Variants in DNAH7 observed in about 807,000 individuals in gnomAD.
DNAH7 encodes dynein axonemal heavy chain 7.
Under a neutral mutation model 444.6 loss-of-function variants are expected in DNAH7, and 397 were observed. The ratio of observed to expected loss-of-function variants is 0.89; its 90% CI spans 0.82 to 0.97. The LOEUF (loss-of-function observed/expected upper bound fraction) is 0.97, where lower values mean the gene tolerates loss of function less well. Among genes scored for constraint, DNAH7 ranks in the 50% least tolerant of loss-of-function variants. The pLI, the probability that DNAH7 is intolerant of heterozygous loss-of-function variation, is 0.00. For synonymous variants in DNAH7, 1,636 were observed against 1,624.4 expected (o/e 1.01, Z -0.17); for missense variants, 4,902 against 4,800.8 (o/e 1.02, Z -0.62).
chr2:195,978,624 T>C (rs1028096019), intron 15 of DNAH7, among the ~76,000 whole-genome samples: 5 of 152,074 alleles, frequency 3.3e-5, no homozygotes, highest in Middle Eastern at 3.2e-3. Flanking sequence ...TCAAAAAACA[T>C]AGCCTTGCTG....
chr2:195,949,655 G>A (rs901914615), intron 19 of DNAH7, among the ~76,000 whole-genome samples: 2 of 152,188 alleles, frequency 1.3e-5, no homozygotes, highest in African/African-American at 4.8e-5. Context: ...TAGGAGTGGT[G>A]AGAGAGGGCA....
At chr2:195,879,879 T>C (rs1701277727) in intron 36 of DNAH7, among the ~76,000 whole-genome samples, 2 of 152,282 alleles carry the variant, frequency 1.3e-5, no homozygotes, top group African/African-American at 2.4e-5. Context: ...AAGTAAATTG[T>C]ATGAAATTAT....
chr2:196,020,712 G>A (rs1379874558), intron 8 of DNAH7, among the ~76,000 whole-genome samples: 2 of 151,176 alleles, frequency 1.3e-5, no homozygotes, highest in Non-Finnish European at 2.9e-5. Context: ...CTGGGTTCAA[G>A]CAATTCTCTT....
rs369996837 is a variant in DNAH7 at position 195,891,618 on chromosome 2, C to A, written c.5046+37G>T. 24 of 1,475,138 alleles carry A rather than the reference C, an allele frequency of 1.6e-5. No homozygotes were observed. In the African/African-American group the frequency reaches 2.6e-4, roughly 16 times the overall value. 91.4% of individuals were successfully genotyped at this position (1,475,138 alleles called of 1,614,324 possible). ...AATTGGTCAGAAATAAATATCTTAA[C>A]CTTTTAAGATATGCATGTGAAAGTG... On this transcript the variant is annotated intron_variant, in intron 31 of 64. Coordinates refer to ENST00000312428, the MANE Select transcript of DNAH7 (RefSeq NM_018897.3).
intron 19 of DNAH7, among the ~76,000 whole-genome samples, chr2:195,937,542 T>C (rs1559246076): frequency 6.6e-6 from 1 of 152,160 alleles, no homozygotes; most frequent in Non-Finnish European, 1.5e-5. Flanking sequence ...AACCAAAAGC[T>C]GATCTTAAAG....
intron 33 of DNAH7, 21 bp downstream of exon 33, chr2:195,888,237 T>C (rs754585779): frequency 6.3e-7 from 1 of 1,576,742 alleles, no homozygotes; most frequent in Admixed American, 1.9e-5. Context: ...TTTTTAATCT[T>C]AAAATTCTCA....
intron 15 of DNAH7, among the ~76,000 whole-genome samples, chr2:195,982,798 T>C (rs1246383068): frequency 1.3e-5 from 2 of 152,104 alleles, no homozygotes; most frequent in Non-Finnish European, 1.5e-5. Context: ...AAGTGGAGAA[T>C]AGAAGGATGG....
chr2:195,955,389 T>C (rs1156569351), intron 19 of DNAH7, among the ~76,000 whole-genome samples: 1 of 152,204 alleles, frequency 6.6e-6, no homozygotes, highest in Non-Finnish European at 1.5e-5. Flanking sequence ...TCTATATCTC[T>C]GTTTTGGTAC....
chr2:196,054,538 T>C (rs1226624168), intron 2 of DNAH7, among the ~76,000 whole-genome samples: 1 of 151,900 alleles, frequency 6.6e-6, no homozygotes, highest in Non-Finnish European at 1.5e-5. Flanking sequence ...ATAAAATATA[T>C]TCTGATATAT....
At position 195,970,156 on chromosome 2, in the gene DNAH7, T is replaced by G. The variant is rs890729093; in HGVS notation, c.2059-62A>C. 32 of 1,484,872 alleles carry G rather than the reference T, an allele frequency of 2.2e-5. 1 individual carries two copies. In the Middle Eastern group the frequency reaches 6.5e-4, roughly 30 times the overall value. The allele number at this position is 1,484,872 out of a possible 1,614,324, so 92.0% of individuals were successfully genotyped here. A position where few individuals can be genotyped will look rare whatever the true frequency, so the allele number is the denominator to read the frequency against. ...TTAAAACCCCTTGCTGTCAAAAAATTTTAACATTGTAGGAGTTATCAGAAT... is the reference window on the plus strand; with the variant it reads ...TTAAAACCCCTTGCTGTCAAAAAATGTTAACATTGTAGGAGTTATCAGAAT... On this transcript the variant is annotated intron_variant, in intron 16 of 64. Transcript: ENST00000312428.
intron 19 of DNAH7, among the ~76,000 whole-genome samples, chr2:195,947,012 G>A (rs1337729955): frequency 3.3e-5 from 5 of 151,294 alleles, no homozygotes; most frequent in Non-Finnish European, 7.4e-5. Flanking sequence ...GAGTATAGTT[G>A]GTAGCATGAA....
intron 29 of DNAH7, among the ~76,000 whole-genome samples, chr2:195,895,924 G>A (rs781270302): frequency 8.6e-5 from 13 of 151,824 alleles, no homozygotes; most frequent in South Asian, 4.2e-4. Flanking sequence ...ATATTCCACC[G>A]TAACAAAGTG....
intron 62 of DNAH7, 34 bp from the exon 63 acceptor site, chr2:195,754,548 CACCTTTCA>C: frequency 6.3e-7 from 1 of 1,585,060 alleles, no homozygotes; most frequent in Middle Eastern, 1.7e-4. Context: ...CTAACAGTAG[CACCTTTCA>C]ACCTTTTTTT....
chr2:195,906,451 TTC>T (rs143748851), intron 27 of DNAH7, among the ~76,000 whole-genome samples: 2 of 137,002 alleles, frequency 1.5e-5, no homozygotes, highest in Non-Finnish European at 3.1e-5. Flanking sequence ...TTTTCTTTCT[TTC>T]TTTTTTTTTT....
At chr2:195,808,920 C>A (rs1559112085) in intron 52 of DNAH7, 44 bp from the exon 53 acceptor site, 1 of 1,536,614 alleles carries the variant, frequency 6.5e-7, no homozygotes, top group Admixed American at 1.8e-5. Flanking sequence ...ACGAGTTCAT[C>A]ATAAACTAGT....
At chr2:195,746,634 A>G (rs1400608291) in intron 63 of DNAH7, among the ~76,000 whole-genome samples, 4 of 152,264 alleles carry the variant, frequency 2.6e-5, no homozygotes, top group Admixed American at 1.3e-4. Context: ...AATAGAAATT[A>G]TAACAAACTG....
intron 9 of DNAH7, among the ~76,000 whole-genome samples, chr2:196,014,424 G>A (rs200788270): frequency 2.0e-5 from 3 of 152,026 alleles, no homozygotes; most frequent in African/African-American, 7.2e-5. Flanking sequence ...ATGAAACTCA[G>A]GACTGTCTCT....
At chr2:195,920,947 A>C (rs1200427178) in intron 24 of DNAH7, among the ~76,000 whole-genome samples, 1 of 152,248 alleles carries the variant, frequency 6.6e-6, no homozygotes, top group East Asian at 1.9e-4. Flanking sequence ...GCAAATGGCC[A>C]ACAAACATAT....
At chr2:196,060,272 A>G (rs1698064929) in intron 1 of DNAH7, among the ~76,000 whole-genome samples, 1 of 152,106 alleles carries the variant, frequency 6.6e-6, no homozygotes, top group Admixed American at 6.5e-5. Context: ...CCATTCAATA[A>G]AGAGAGATGG....
Sources: allele counts gnomAD v4.1 joint callset (sites outside exome capture counted in the v4.1 genomes callset), GRCh38; gene constraint gnomAD v4.1.1; transcripts MANE v1.5; gene names NCBI Gene and HGNC (gene_info 2026-07-23, HGNC 2026-07-21).